The following NRXN3 variants were observed in gnomAD, a reference collection of about 807,000 sequenced individuals.
NRXN3 encodes the protein neurexin 3.
NRXN3 carries 32 observed loss-of-function variants against 137.6 expected under a neutral mutation model. The ratio of observed to expected loss-of-function variants is 0.23; its 90% confidence interval spans 0.18 to 0.31. The LOEUF is 0.31. Ranked by LOEUF, NRXN3 falls within the 10% of genes least tolerant of loss-of-function variation. The probability of loss-of-function intolerance (pLI) is 1.00; values close to 1 mark genes in which losing one functional copy is unlikely to be tolerated. For missense variants in NRXN3, 1,574 were observed against 2,062.5 expected (o/e 0.76, Z 4.59); for synonymous variants, 798 against 784.5 (o/e 1.02, Z -0.29).
Position 78,992,198 on chromosome 14 carries a change from T to G in NRXN3, c.3262+4057T>G, listed in dbSNP as rs185127341. 2.3e-3 allele frequency among the ~76,000 whole-genome samples: 356 copies of G among 152,336 alleles called. 2 individuals carry two copies. Among genetic ancestry groups the G allele is most frequent in the African/African-American group, 7.7e-3 (322 of 41,584 alleles). ...GGGTTGACTTTTAGGGCTGTTTTGATTCTGCAATCTAATCATCCCAGAAGA... is the reference window on the plus strand; with the variant it reads ...GGGTTGACTTTTAGGGCTGTTTTGAGTCTGCAATCTAATCATCCCAGAAGA... On this transcript the variant is annotated intron_variant, in intron 15 of 20. Transcript: ENST00000335750.
intron 19 of NRXN3, among the ~76,000 whole-genome samples, chr14:79,741,354 T>A (rs772865947): frequency 5.9e-5 from 9 of 152,162 alleles, no homozygotes; most frequent in Non-Finnish European, 1.0e-4. Flanking sequence ...GGAAGCAATA[T>A]GAAAGGTGTT....
intron 4 of NRXN3, among the ~76,000 whole-genome samples, chr14:78,451,982 CAGG>C (rs2094563140): frequency 6.6e-6 from 1 of 152,218 alleles, no homozygotes. Context: ...ACTACATCCT[CAGG>C]AGAAGACTTC....
chr14:78,737,214 G>A (rs1187910243), intron 8 of NRXN3, among the ~76,000 whole-genome samples: 1 of 152,100 alleles, frequency 6.6e-6, no homozygotes, highest in Non-Finnish European at 1.5e-5. Context: ...CAAACAAATA[G>A]GAATGGTCCA....
chr14:78,933,131 C>A (rs914360970), intron 10 of NRXN3, among the ~76,000 whole-genome samples: 1 of 152,236 alleles, frequency 6.6e-6, no homozygotes, highest in Non-Finnish European at 1.5e-5. Flanking sequence ...GATGAAGTTA[C>A]TTCTCTGCCT....
intron 4 of NRXN3, among the ~76,000 whole-genome samples, chr14:78,592,639 T>C (rs780290064): frequency 6.6e-6 from 1 of 152,226 alleles, no homozygotes; most frequent in Non-Finnish European, 1.5e-5. Flanking sequence ...ACCACCTCTT[T>C]GTCTCCATAA....
At chr14:79,456,426 T>C (rs1567176459) in intron 15 of NRXN3, among the ~76,000 whole-genome samples, 2 of 152,082 alleles carry the variant, frequency 1.3e-5, no homozygotes, top group African/African-American at 4.8e-5. Flanking sequence ...CTATTAAAAG[T>C]TGTGTATAAG....
chr14:78,372,233 G>A (rs567234339), intron 4 of NRXN3, among the ~76,000 whole-genome samples: 4 of 149,984 alleles, frequency 2.7e-5, no homozygotes, highest in South Asian at 2.1e-4. Flanking sequence ...TAATCCCTAC[G>A]ATGACTAAAA....
intron 4 of NRXN3, among the ~76,000 whole-genome samples, chr14:78,495,040 T>G (rs1269179418): frequency 6.6e-6 from 1 of 152,006 alleles, no homozygotes; most frequent in Non-Finnish European, 1.5e-5. Context: ...CTCAAGAACT[T>G]TTTCTAAGGT....
At chr14:79,060,567 G>A (rs565957359) in intron 15 of NRXN3, among the ~76,000 whole-genome samples, 226 of 152,140 alleles carry the variant, frequency 1.5e-3, no homozygotes, top group African/African-American at 5.1e-3. Context: ...AAAGTGCTGT[G>A]AAATCCCACC....
chr14:78,205,833 T>C (rs1291861667), intron 1 of NRXN3, among the ~76,000 whole-genome samples: 1 of 152,050 alleles, frequency 6.6e-6, no homozygotes, highest in East Asian at 1.9e-4. Context: ...TATGCCAAGA[T>C]CACTTTGGCT....
intron 11 of NRXN3, among the ~76,000 whole-genome samples, chr14:78,963,648 G>A (rs996507547): frequency 2.0e-5 from 3 of 152,032 alleles, no homozygotes; most frequent in Non-Finnish European, 2.9e-5. Flanking sequence ...GATTTATGTT[G>A]CATTTTGATT....
At chr14:79,768,964 T>G (rs975393147) in intron 19 of NRXN3, among the ~76,000 whole-genome samples, 2 of 151,132 alleles carry the variant, frequency 1.3e-5, no homozygotes, top group Admixed American at 1.3e-4. Context: ...GCTCGAGAAC[T>G]ACGTGAAGAA....
At chr14:78,839,638 G>A (rs2099006510) in intron 10 of NRXN3, among the ~76,000 whole-genome samples, 1 of 152,138 alleles carries the variant, frequency 6.6e-6, no homozygotes, top group African/African-American at 2.4e-5. Flanking sequence ...AGTGTAAAGG[G>A]CGAGTATGTT....
chr14:79,707,504 T>A (rs77972040), intron 19 of NRXN3, among the ~76,000 whole-genome samples: 1 of 151,734 alleles, frequency 6.6e-6, no homozygotes, highest in African/African-American at 2.4e-5. Context: ...TATGTTTTTT[T>A]ATTATCTGAA....
chr14:78,456,843 TTC>T (rs1491392627), intron 4 of NRXN3, among the ~76,000 whole-genome samples: 104 of 133,206 alleles, frequency 7.8e-4, no homozygotes, highest in East Asian at 6.0e-3. Flanking sequence ...CTTTCTTTCT[TTC>T]TTTCTTTCTT....
chr14:78,597,732 C>G (rs974977145), intron 4 of NRXN3, among the ~76,000 whole-genome samples: 1 of 152,224 alleles, frequency 6.6e-6, no homozygotes, highest in Non-Finnish European at 1.5e-5. Flanking sequence ...GAAGCCTCCT[C>G]TTCGTCATTT....
rs113385966 is a variant in NRXN3 at position 78,427,129 on chromosome 14, G to A, written c.757+129269G>A. On this transcript the variant is annotated intron_variant, in intron 4 of 20. Transcript: ENST00000335750. ...GTCTAGGAGTTCCTTAGGAGGCAGCGGTGCCCCCACGGAAGGAGGAGGCGG... is the reference window on the plus strand; with the variant it reads ...GTCTAGGAGTTCCTTAGGAGGCAGCAGTGCCCCCACGGAAGGAGGAGGCGG... Among the ~76,000 whole-genome samples, 28 of 152,248 alleles carry A rather than the reference G, an allele frequency of 1.8e-4. 1 individual carries two copies. The highest frequency in any genetic ancestry group is 6.0e-4 in the African/African-American group (25 of 41,560).
At chr14:78,632,156 C>T (rs760346072) in intron 4 of NRXN3, among the ~76,000 whole-genome samples, 1 of 151,198 alleles carries the variant, frequency 6.6e-6, no homozygotes, top group Non-Finnish European at 1.5e-5. Context: ...TTTATGCTCT[C>T]ATAATTAAGA....
intron 15 of NRXN3, among the ~76,000 whole-genome samples, chr14:79,458,453 T>C (rs918940858): frequency 1.3e-5 from 2 of 152,176 alleles, no homozygotes; most frequent in African/African-American, 4.8e-5. Flanking sequence ...ATTCCTTTAT[T>C]CCCATTCTAC....
Sources: allele counts gnomAD v4.1 joint callset (sites outside exome capture counted in the v4.1 genomes callset), GRCh38; gene constraint gnomAD v4.1.1; transcripts MANE v1.5; gene names NCBI Gene and HGNC (gene_info 2026-07-23, HGNC 2026-07-21).